Variants in RIMS2 observed in about 807,000 individuals in gnomAD.
The protein encoded by RIMS2 is regulating synaptic membrane exocytosis 2, also known as regulating synaptic membrane exocytosis protein 2.
RIMS2 carries 59 observed loss-of-function variants against 174.4 expected under a neutral mutation model. The observed-to-expected ratio is 0.34, with a 90% CI of 0.27 to 0.42. The LOEUF (loss-of-function observed/expected upper bound fraction) is 0.42. RIMS2 is among the 10% of genes least tolerant of loss of function. The probability of loss-of-function intolerance (pLI) is 1.00; values close to 1 mark genes in which losing one functional copy is unlikely to be tolerated. For missense variants in RIMS2, 1,620 were observed against 1,666.3 expected (o/e 0.97, Z 0.48); for synonymous variants, 606 against 572.5 (o/e 1.06, Z -0.84).
chr8:103,661,041 T>G (rs2096594045), intron 1 of RIMS2, among the ~76,000 whole-genome samples: 1 of 152,204 alleles, frequency 6.6e-6, no homozygotes, highest in African/African-American at 2.4e-5. Context: ...AAGGGTAACT[T>G]TTATCCTTTT....
At chr8:103,593,193 G>A (rs1017075301) in intron 1 of RIMS2, among the ~76,000 whole-genome samples, 19 of 151,456 alleles carry the variant, frequency 1.3e-4, no homozygotes, top group Non-Finnish European at 4.4e-5. Context: ...TACCATGAAT[G>A]TGACAGTATC....
intron 2 of RIMS2, among the ~76,000 whole-genome samples, chr8:103,722,275 G>A (rs2097459126): frequency 6.6e-6 from 1 of 152,106 alleles, no homozygotes; most frequent in Non-Finnish European, 1.5e-5. Flanking sequence ...ACAGGGGTGA[G>A]GAGATGGTTT....
chr8:103,552,243 C>G (rs923299400), intron 1 of RIMS2, among the ~76,000 whole-genome samples: 14 of 152,010 alleles, frequency 9.2e-5, no homozygotes, highest in African/African-American at 3.4e-4. Context: ...GGCACTGGTA[C>G]CAAAACAGAT....
chr8:103,528,281 C>T (rs750125093), intron 1 of RIMS2, among the ~76,000 whole-genome samples: 1 of 150,760 alleles, frequency 6.6e-6, no homozygotes, highest in Admixed American at 6.6e-5. Flanking sequence ...TTCGTAGATT[C>T]TGGATATTAG....
intron 19 of RIMS2, among the ~76,000 whole-genome samples, chr8:104,157,354 TA>T (rs1386436382): frequency 1.3e-5 from 2 of 152,192 alleles, no homozygotes; most frequent in African/African-American, 2.4e-5. Flanking sequence ...ATTTTTCTTC[TA>T]AAAAACATAT....
intron 14 of RIMS2, among the ~76,000 whole-genome samples, chr8:103,956,817 C>T (rs1401093488): frequency 6.6e-6 from 1 of 152,096 alleles, no homozygotes; most frequent in African/African-American, 2.4e-5. Context: ...AACAGGCAAC[C>T]TACAGAATGG....
At chr8:103,690,155 G>A (rs1230558604) in intron 1 of RIMS2, among the ~76,000 whole-genome samples, 1 of 151,888 alleles carries the variant, frequency 6.6e-6, no homozygotes, top group Non-Finnish European at 1.5e-5. Context: ...GTAGAGACAG[G>A]GTTTCAGAAT....
At chr8:103,550,742 CA>C (rs1847408196) in intron 1 of RIMS2, among the ~76,000 whole-genome samples, 1 of 151,846 alleles carries the variant, frequency 6.6e-6, no homozygotes, top group Admixed American at 6.6e-5. Flanking sequence ...AGAGAAGTAT[CA>C]AATAGATACA....
chr8:103,905,662 C>CT (rs34565524), intron 4 of RIMS2, among the ~76,000 whole-genome samples: 102 of 145,116 alleles, frequency 7.0e-4, no homozygotes, highest in East Asian at 2.3e-3. Flanking sequence ...TCTTTGAATA[C>CT]TTTTTTTTTT....
At chr8:103,832,945 T>G (rs2098835129) in intron 3 of RIMS2, among the ~76,000 whole-genome samples, 3 of 152,230 alleles carry the variant, frequency 2.0e-5, no homozygotes, top group Admixed American at 1.3e-4. Flanking sequence ...CACATATTCC[T>G]TGTTTTAAGT....
intron 13 of RIMS2, among the ~76,000 whole-genome samples, chr8:103,937,183 T>C (rs1595480517): frequency 6.6e-6 from 1 of 152,300 alleles, no homozygotes; most frequent in Admixed American, 6.5e-5. Context: ...ACAATTTCTT[T>C]AATGGAATGT....
At chr8:103,737,748 A>G (rs189170954) in intron 2 of RIMS2, among the ~76,000 whole-genome samples, 2 of 152,146 alleles carry the variant, frequency 1.3e-5, no homozygotes, top group African/African-American at 2.4e-5. Context: ...AGGCATTTAC[A>G]TATGTTGTTT....
intron 20 of RIMS2, among the ~76,000 whole-genome samples, chr8:104,247,703 C>T (rs2441809): frequency 0.34 from 52,389 of 151,932 alleles, 9,494 homozygotes; most frequent in African/African-American, 0.47. Flanking sequence ...TGTTTGCAGT[C>T]GGGGGACAGG....
intron 1 of RIMS2, among the ~76,000 whole-genome samples, chr8:103,641,007 C>T (rs1564126421): frequency 6.6e-6 from 1 of 152,012 alleles, no homozygotes; most frequent in Non-Finnish European, 1.5e-5. Flanking sequence ...CAATTTTTGC[C>T]TCCTGTATTT....
At chr8:103,583,362 A>G (rs1018871169) in intron 1 of RIMS2, among the ~76,000 whole-genome samples, 9 of 152,152 alleles carry the variant, frequency 5.9e-5, no homozygotes, top group Non-Finnish European at 1.0e-4. Flanking sequence ...TTGTTATATC[A>G]TCTTCAGTGC....
At chr8:104,058,924 C>T (rs1390622768) in intron 19 of RIMS2, among the ~76,000 whole-genome samples, 1 of 152,102 alleles carries the variant, frequency 6.6e-6, no homozygotes, top group Non-Finnish European at 1.5e-5. Flanking sequence ...TTGCATTGGT[C>T]TATATCTCTG....
intron 19 of RIMS2, among the ~76,000 whole-genome samples, chr8:104,077,460 A>C (rs1279162796): frequency 6.6e-6 from 1 of 151,638 alleles, no homozygotes; most frequent in African/African-American, 2.4e-5. Flanking sequence ...AAGCCTAAAA[A>C]TGATTTGTCT....
chr8:103,631,503 T>C (rs1436376663), intron 1 of RIMS2, among the ~76,000 whole-genome samples: 3 of 152,234 alleles, frequency 2.0e-5, no homozygotes, highest in African/African-American at 7.2e-5. Flanking sequence ...CTAGTTTTTG[T>C]ACCAGTACCG....
chr8:103,753,626 G>A lies in RIMS2; in HGVS notation c.388-12601G>A, dbSNP rs539271162. On this transcript the variant is annotated intron_variant, in intron 2 of 23. Coordinates refer to ENST00000504942, the Ensembl canonical transcript of RIMS2. ...TCAGAGCCTATTATTGGTCTATTCGGAGATTCACCTTCTTCCTGGTTTAGT... is the reference window on the plus strand; with the variant it reads ...TCAGAGCCTATTATTGGTCTATTCGAAGATTCACCTTCTTCCTGGTTTAGT... Among the ~76,000 whole-genome samples, 167 of 152,276 alleles carry A rather than the reference G, an allele frequency of 1.1e-3. 2 individuals are homozygous for A. The highest frequency in any genetic ancestry group is 5.6e-4 in the Non-Finnish European group (38 of 68,022).
Sources: allele counts gnomAD v4.1 joint callset (sites outside exome capture counted in the v4.1 genomes callset), GRCh38; gene constraint gnomAD v4.1.1; transcripts MANE v1.5; gene names NCBI Gene and HGNC (gene_info 2026-07-23, HGNC 2026-07-21).